The following UNC13B variants were observed in gnomAD, a reference collection of about 807,000 sequenced individuals.
UNC13B encodes unc-13 homolog B.
In UNC13B, 144 loss-of-function variants were observed where a neutral mutation model predicts 211.0. The ratio of observed to expected loss-of-function variants is 0.68; its 90% CI spans 0.60 to 0.78. UNC13B has a LOEUF of 0.78. Among genes scored for constraint, UNC13B ranks in the 30% least tolerant of loss-of-function variants. The pLI is 0.00. For synonymous variants in UNC13B, 709 were observed against 725.8 expected (o/e 0.98, Z 0.37); for missense variants, 1,777 against 2,002.0 (o/e 0.89, Z 2.14).
chr9:35,242,404 C>T (rs1415728584), intron 5 of UNC13B, among the ~76,000 whole-genome samples: 2 of 152,084 alleles, frequency 1.3e-5, no homozygotes, highest in Admixed American at 6.6e-5. Context: ...ACTTTTTCAC[C>T]TTGCAAAACT....
chr9:35,302,711 C>T lies in UNC13B; in HGVS notation c.3307C>T (p.Gln1103Ter). The T allele has an allele frequency of 2.5e-6, 1 of 398,642 alleles. No homozygotes were observed. The allele number at this position is 398,642 out of a possible 1,614,324, so 24.7% of individuals were successfully genotyped here. ...DPLGEDKNLI[Q>*]AASSVASDSS... ...TTTAGGAGAAGATAAGAATCTTATA[C>T]AAGCAGCATCTTCAGTAGCATCAGA... The change falls in exon 9 of 40, where the codon CAA becomes TAA. Residue 1103 changes from glutamine to a stop codon, truncating the protein, a stop_gained. Coordinates refer to ENST00000635942, the MANE Select transcript of UNC13B (RefSeq NM_001371189.2). LOFTEE classifies it high-confidence loss of function.
chr9:35,312,140 A>G (rs1337704550), intron 10 of UNC13B, among the ~76,000 whole-genome samples: 1 of 152,176 alleles, frequency 6.6e-6, no homozygotes, highest in Non-Finnish European at 1.5e-5. Context: ...CCACTGGGGT[A>G]GAGTGATAAG....
intron 8 of UNC13B, among the ~76,000 whole-genome samples, chr9:35,296,241 A>T (rs772026891): frequency 3.3e-5 from 5 of 152,218 alleles, no homozygotes; most frequent in Non-Finnish European, 7.4e-5. Flanking sequence ...TGAGTTTGTT[A>T]TACCCTTTGC....
intron 37 of UNC13B, 64 bp from the exon 38 acceptor site, chr9:35,403,103 T>A (rs1836431038): frequency 6.6e-7 from 1 of 1,519,532 alleles, no homozygotes; most frequent in African/African-American, 1.4e-5. Flanking sequence ...GGTGACCTCC[T>A]CACCCCTCAG....
At chr9:35,380,038 T>C (rs1443233002) in intron 17 of UNC13B, among the ~76,000 whole-genome samples, 2 of 152,184 alleles carry the variant, frequency 1.3e-5, no homozygotes, top group South Asian at 2.1e-4. Context: ...CAAACAGTTA[T>C]AACCCTATGG....
At chr9:35,189,670 CT>C (rs1564056775) in intron 1 of UNC13B, among the ~76,000 whole-genome samples, 1 of 152,046 alleles carries the variant, frequency 6.6e-6, no homozygotes, top group Non-Finnish European at 1.5e-5. Context: ...TTGCCAGTTT[CT>C]TTTTTTCTGT....
chr9:35,214,443 TCAACAA>T (rs886107183), intron 1 of UNC13B, among the ~76,000 whole-genome samples: 1 of 150,336 alleles, frequency 6.7e-6, no homozygotes, highest in Admixed American at 6.6e-5. Flanking sequence ...AAACAAACAA[TCAACAA>T]CAACAACAAG....
Position 35,302,575 on chromosome 9 carries a change from T to G in UNC13B, c.3171T>G (p.Phe1057Leu). ...VTNINNDLGK[F>L]GNIEELNPSD... Reference sequence around the variant, plus strand: ...ATATTAATAATGATCTGGGGAAATTTGGGAATATAGAGGAATTAAATCCAA... The same window carrying G: ...ATATTAATAATGATCTGGGGAAATTGGGGAATATAGAGGAATTAAATCCAA... The change falls in exon 9 of 40, where the codon TTT (phenylalanine) becomes TTG (leucine). Residue 1057 changes from phenylalanine (F) to leucine (L), a missense_variant. Coordinates refer to ENST00000635942, the MANE Select transcript of UNC13B (RefSeq NM_001371189.2). 1 of 398,640 alleles carries G rather than the reference T, an allele frequency of 2.5e-6. No individual in the cohort carries two copies. The highest frequency in any genetic ancestry group is 2.1e-5 in the African/African-American group (1 of 48,738). 24.7% of individuals were successfully genotyped at this position (398,640 alleles called of 1,614,324 possible). A position where few individuals can be genotyped will look rare whatever the true frequency, so the allele number is the denominator to read the frequency against.
At chr9:35,330,582 C>T (rs771126374) in intron 11 of UNC13B, among the ~76,000 whole-genome samples, 1 of 152,214 alleles carries the variant, frequency 6.6e-6, no homozygotes, top group Non-Finnish European at 1.5e-5. Flanking sequence ...AAGAAGTCAA[C>T]GGAAGCCAAA....
rs1829622551 is a variant in UNC13B, at chr9:35,300,556, C to A, written c.1152C>A (p.Ser384=). 1.0e-5 allele frequency: 4 copies of A among 398,820 alleles called. No individual in the cohort carries two copies. Among genetic ancestry groups the A allele is most frequent in the African/African-American group, 6.2e-5 (3 of 48,618 alleles). 24.7% of individuals were successfully genotyped at this position (398,820 alleles called of 1,614,324 possible). The change falls in exon 9 of 40, where the codon TCC becomes TCA. Residue 384 remains serine, a synonymous_variant. Coordinates refer to ENST00000635942, the MANE Select transcript of UNC13B (RefSeq NM_001371189.2). ...GTACTTCTGATGAACTTCTGGGTTC[C>A]CCCATTTCTGATAAGCAGGAAAATT... ...TSSTSDELLG[S]PISDKQENLQ... is the part of the protein sequence containing the mutation.
intron 11 of UNC13B, among the ~76,000 whole-genome samples, chr9:35,346,810 A>G (rs1832385621): frequency 6.6e-6 from 1 of 152,166 alleles, no homozygotes; most frequent in Admixed American, 6.5e-5. Flanking sequence ...TCCAGAGCCT[A>G]CTTACCCCAT....
chr9:35,207,010 C>T (rs1291941892), intron 1 of UNC13B, among the ~76,000 whole-genome samples: 1 of 152,086 alleles, frequency 6.6e-6, no homozygotes, highest in African/African-American at 2.4e-5. Context: ...GCTAGATACA[C>T]TTGTGTACAT....
chr9:35,290,422 T>G (rs998596296), intron 7 of UNC13B, among the ~76,000 whole-genome samples: 4 of 151,554 alleles, frequency 2.6e-5, no homozygotes, highest in Non-Finnish European at 4.4e-5. Context: ...AACCTGAGCC[T>G]ATCACAATAA....
intron 12 of UNC13B, among the ~76,000 whole-genome samples, chr9:35,369,809 G>A (rs2132179085): frequency 6.6e-6 from 1 of 152,258 alleles, no homozygotes; most frequent in African/African-American, 2.4e-5. Context: ...GACAGAACTG[G>A]TGACTCTTTT....
intron 11 of UNC13B, among the ~76,000 whole-genome samples, chr9:35,322,551 G>A (rs193060393): frequency 8.5e-5 from 13 of 152,272 alleles, no homozygotes; most frequent in Admixed American, 8.5e-4. Context: ...ACAGCTGCCA[G>A]CCTGAGAGGT....
At chr9:35,380,426 C>T in intron 17 of UNC13B, 44 bp from the exon 18 acceptor site, 1 of 1,596,254 alleles carries the variant, frequency 6.3e-7, no homozygotes, top group Non-Finnish European at 8.6e-7. Flanking sequence ...GGATTTGGCG[C>T]TACTGGGTCT....
chr9:35,181,081 G>GA (rs1821914164), intron 1 of UNC13B, among the ~76,000 whole-genome samples: 1 of 152,058 alleles, frequency 6.6e-6, no homozygotes, highest in Admixed American at 6.5e-5. Flanking sequence ...CTGGGCAACA[G>GA]AATGAGACGC....
Position 35,194,994 on chromosome 9 carries a change from G to A in UNC13B, c.22+32689G>A, listed in dbSNP as rs73497378. Among the ~76,000 whole-genome samples the A allele has an allele frequency of 1.9e-3, 283 of 152,316 alleles. 3 individuals carry two copies. The highest frequency in any genetic ancestry group is 6.5e-3 in the African/African-American group (271 of 41,588). On this transcript the variant is annotated intron_variant, in intron 1 of 39. Coordinates refer to ENST00000635942, the MANE Select transcript of UNC13B (RefSeq NM_001371189.2). Reference sequence around the variant, plus strand: ...GATTTTATAGTCTTAAGGAGGCAGTGTCTGATTTACATAGGGCTCACAAAT... The same window carrying A: ...GATTTTATAGTCTTAAGGAGGCAGTATCTGATTTACATAGGGCTCACAAAT...
intron 6 of UNC13B, among the ~76,000 whole-genome samples, chr9:35,257,504 C>A (rs1257611781): frequency 7.3e-5 from 10 of 136,850 alleles, no homozygotes; most frequent in Non-Finnish European, 1.5e-4. Flanking sequence ...TTGTTTGAAC[C>A]CAGGAGGCGA....
Sources: gnomAD v4.1 joint callset for allele counts (sites outside exome capture counted in the v4.1 genomes callset) on GRCh38, gnomAD v4.1.1 for gene constraint, MANE v1.5 for transcripts, NCBI Gene and HGNC (gene_info 2026-07-23, HGNC 2026-07-21) for gene names.